Variants in SCUBE1 observed in about 807,000 individuals in gnomAD.
The protein encoded by SCUBE1 is signal peptide, CUB and EGF-like domain-containing protein 1.
Under a neutral mutation model 124.4 loss-of-function variants are expected in SCUBE1, and 59 were observed. That is an observed-to-expected ratio of 0.47 (90% CI 0.38 to 0.59). SCUBE1 has a LOEUF of 0.59. SCUBE1 is among the 20% of genes least tolerant of loss of function. The pLI is 0.00. For synonymous variants in SCUBE1, 545 were observed against 550.9 expected, an observed-to-expected ratio of 0.99 and a Z score of 0.15; for missense variants, 1,150 against 1,371.2, an observed-to-expected ratio of 0.84 and a Z score of 2.55.
In SCUBE1 at chr22:43,313,205, A is replaced by G. The variant is rs146038921; in HGVS notation, c.349+6732T>C. 1.2e-3 allele frequency among the ~76,000 whole-genome samples: 178 copies of G among 152,336 alleles called. 2 individuals are homozygous for G. In the East Asian group the frequency reaches 0.023, roughly 20 times the overall value. On this transcript the variant is annotated intron_variant, in intron 3 of 21. Coordinates refer to ENST00000360835, the MANE Select transcript of SCUBE1 (RefSeq NM_173050.5). Reference sequence around the variant, plus strand: ...GTCTACCCAGCACAAGGCTGGGCATAGGGTTGGTGCTCAATAAATGTTAAT... The same window carrying G: ...GTCTACCCAGCACAAGGCTGGGCATGGGGTTGGTGCTCAATAAATGTTAAT...
chr22:43,327,406 G>T (rs1037303016), intron 2 of SCUBE1, among the ~76,000 whole-genome samples: 8 of 152,192 alleles, frequency 5.3e-5, no homozygotes, highest in African/African-American at 1.7e-4. Context: ...CAGATGAGAG[G>T]TTTCCTAACA....
rs1373437071 is a variant in SCUBE1, at chr22:43,201,234, G to A, written c.*2763C>T. Reference sequence around the variant, plus strand: ...CAGGAGAATGGCGTGAACCCGGGAGGCGGAGCTTGCAGTGAACCAAGATCG... The same window carrying A: ...CAGGAGAATGGCGTGAACCCGGGAGACGGAGCTTGCAGTGAACCAAGATCG... On this transcript the variant is annotated 3_prime_UTR_variant, in exon 22 of 22. Transcript: ENST00000360835. 14 of 148,202 alleles carry A rather than the reference G, an allele frequency of 9.4e-5. No individual in the cohort carries two copies. Among genetic ancestry groups the A allele is most frequent in the African/African-American group, 3.5e-4 (14 of 40,054 alleles). The allele number at this position is 148,202 out of a possible 1,614,324, so 9.2% of individuals were successfully genotyped here.
chr22:43,258,384 A>C lies in SCUBE1; in HGVS notation c.611-49T>G. 3 of 1,399,826 alleles carry C rather than the reference A, an allele frequency of 2.1e-6. No individual in the cohort carries two copies. Among genetic ancestry groups the C allele is most frequent in the Non-Finnish European group, 3.0e-6 (3 of 984,842 alleles). The allele number at this position is 1,399,826 out of a possible 1,614,324, so 86.7% of individuals were successfully genotyped here. ...ACGGGTGTATAAACAGAACAACAAA[A>C]ACGGTTAGTTTGCCGGTGTTGGCGG... On this transcript the variant is annotated intron_variant, in intron 5 of 21. Coordinates refer to ENST00000360835, the MANE Select transcript of SCUBE1 (RefSeq NM_173050.5). This position sits in a 1 kb window ranked among gnomAD's most constrained non-coding sequence, Gnocchi z 5.0.
At chr22:43,256,934 T>C (rs575400989) in intron 6 of SCUBE1, among the ~76,000 whole-genome samples, 1 of 152,332 alleles carries the variant, frequency 6.6e-6, no homozygotes, top group South Asian at 2.1e-4. Context: ...TTGGTTGATT[T>C]GGTTTGGCTT....
At chr22:43,279,258 G>T (rs1295576790) in intron 4 of SCUBE1, among the ~76,000 whole-genome samples, 3 of 152,256 alleles carry the variant, frequency 2.0e-5, no homozygotes. Context: ...TCCTGAGACA[G>T]CTGTGGACTT....
intron 5 of SCUBE1, among the ~76,000 whole-genome samples, chr22:43,262,054 A>C (rs1047290596): frequency 3.5e-4 from 53 of 152,338 alleles, no homozygotes; most frequent in Non-Finnish European, 4.0e-4. Context: ...GCAGACCACC[A>C]AGCAGATCCT....
intron 3 of SCUBE1, among the ~76,000 whole-genome samples, chr22:43,319,528 A>G (rs1926468300): frequency 7.8e-6 from 1 of 128,048 alleles, no homozygotes; most frequent in South Asian, 2.5e-4. Context: ...ACACCACTGC[A>G]TGCTTGGGTG....
Position 43,197,359 on chromosome 22 carries a change from A to C in SCUBE1, c.*6638T>G, listed in dbSNP as rs2146638092. The stretch of plus-strand genomic sequence containing the variant: ...ATGCATATGGGGGACATGATGGATA[A>C]AACAAAACTGAATATTTGTGGCAAC... On this transcript the variant is annotated 3_prime_UTR_variant, in exon 22 of 22. Transcript: ENST00000360835. The C allele has an allele frequency of 6.6e-6, 1 of 152,374 alleles. No individual in the cohort carries two copies. Among genetic ancestry groups the C allele is most frequent in the East Asian group, 1.9e-4 (1 of 5,186 alleles). 9.4% of individuals were successfully genotyped at this position (152,374 alleles called of 1,614,324 possible).
chr22:43,217,770 C>G (rs1163353821), intron 15 of SCUBE1, among the ~76,000 whole-genome samples: 1 of 152,086 alleles, frequency 6.6e-6, no homozygotes, highest in Non-Finnish European at 1.5e-5. Context: ...GCACACCCGC[C>G]CGCTGGGGGC....
chr22:43,238,617 G>A (rs1229575414), intron 7 of SCUBE1: 3 of 631,842 alleles, frequency 4.7e-6, no homozygotes, highest in Non-Finnish European at 8.8e-6. Flanking sequence ...GATGTGCCGT[G>A]GGACCTGTGT....
rs1920967992 is a variant in SCUBE1, at chr22:43,199,158, A to T, written c.*4839T>A. On this transcript the variant is annotated 3_prime_UTR_variant, in exon 22 of 22. Coordinates refer to ENST00000360835, the MANE Select transcript of SCUBE1 (RefSeq NM_173050.5). ...CTCCCTGTCTTTCTAGGAGCCTGGC[A>T]CACAGGAGGTGCTCAGTAAATGTTT... 8.2e-6 allele frequency: 1 copy of T among 121,910 alleles called. No individual in the cohort carries two copies. Among genetic ancestry groups the T allele is most frequent in the African/African-American group, 3.3e-5 (1 of 30,000 alleles). 7.6% of individuals were successfully genotyped at this position (121,910 alleles called of 1,614,324 possible). A position where few individuals can be genotyped will look rare whatever the true frequency, so the allele number is the denominator to read the frequency against.
chr22:43,225,708 TTC>T (rs890729584), intron 10 of SCUBE1, among the ~76,000 whole-genome samples: 30 of 151,824 alleles, frequency 2.0e-4, no homozygotes, highest in African/African-American at 7.3e-4. Context: ...GGCCAAATGT[TTC>T]TTTCTGAGAA....
intron 2 of SCUBE1, among the ~76,000 whole-genome samples, chr22:43,323,712 C>T (rs978534612): frequency 2.0e-5 from 3 of 152,158 alleles, no homozygotes; most frequent in Admixed American, 2.0e-4. Flanking sequence ...CACTCACGCT[C>T]ATGCACACAC....
At chr22:43,333,569 C>T (rs779647105) in intron 2 of SCUBE1, among the ~76,000 whole-genome samples, 43 of 152,194 alleles carry the variant, frequency 2.8e-4, no homozygotes, top group Non-Finnish European at 5.3e-4. Flanking sequence ...GAGGCTCGGT[C>T]AGCCTCACAT....
In SCUBE1 at chr22:43,199,682, C is replaced by G. The variant is rs568110484; in HGVS notation, c.*4315G>C. On this transcript the variant is annotated 3_prime_UTR_variant, in exon 22 of 22. Coordinates refer to ENST00000360835, the MANE Select transcript of SCUBE1 (RefSeq NM_173050.5). ...GGGATCCAGCGTTTCGGAAACTGGT[C>G]ATCGCCTTGCCAGCGTGACCTGTGT... 36 of 140,920 alleles carry G rather than the reference C, an allele frequency of 2.6e-4. 2 individuals carry two copies. The South Asian group carries it at 8.7e-3, about 34-fold the overall frequency. 8.7% of individuals were successfully genotyped at this position (140,920 alleles called of 1,614,324 possible). A position where few individuals can be genotyped will look rare whatever the true frequency, so the allele number is the denominator to read the frequency against.
At chr22:43,331,749 C>G (rs953997853) in intron 2 of SCUBE1, among the ~76,000 whole-genome samples, 3 of 152,178 alleles carry the variant, frequency 2.0e-5, no homozygotes, top group Non-Finnish European at 4.4e-5. Flanking sequence ...TTCCTCACCC[C>G]CAGCCTGCCC....
chr22:43,284,116 G>A (rs529705684), intron 4 of SCUBE1, among the ~76,000 whole-genome samples: 5 of 152,374 alleles, frequency 3.3e-5, no homozygotes, highest in East Asian at 3.9e-4. Context: ...AGCAAGACCC[G>A]TGACAACACA....
intron 6 of SCUBE1, among the ~76,000 whole-genome samples, chr22:43,244,469 C>T (rs1307066974): frequency 6.6e-6 from 1 of 152,240 alleles, no homozygotes; most frequent in African/African-American, 2.4e-5. Context: ...CCAAGAGGAA[C>T]AGAAGCAAGT....
chr22:43,281,544 CCT>C (rs1924896688), intron 4 of SCUBE1, among the ~76,000 whole-genome samples: 1 of 136,414 alleles, frequency 7.3e-6, no homozygotes, highest in Non-Finnish European at 1.6e-5. Flanking sequence ...CCTCAGTCAC[CCT>C]CCTGTCACCT....
Sources: gnomAD v4.1 joint callset for allele counts (sites outside exome capture counted in the v4.1 genomes callset) on GRCh38, gnomAD v4.1.1 for gene constraint, Gnocchi (gnomAD v3.1) non-coding constraint, MANE v1.5 for transcripts, NCBI Gene and HGNC (gene_info 2026-07-23, HGNC 2026-07-21) for gene names.